The following AGPS variants were observed in gnomAD, a reference collection of about 807,000 sequenced individuals.
AGPS encodes alkyldihydroxyacetonephosphate synthase, peroxisomal.
Under a neutral mutation model 90.7 loss-of-function variants are expected in AGPS, and 26 were observed. The ratio of observed to expected loss-of-function variants is 0.29; its 90% CI spans 0.21 to 0.40. The LOEUF (loss-of-function observed/expected upper bound fraction) is 0.40, where lower values mean the gene tolerates loss of function less well. AGPS is among the 10% of genes least tolerant of loss of function. The pLI is 1.00. For synonymous variants in AGPS, 294 were observed against 285.3 expected (o/e 1.03, Z -0.31); for missense variants, 540 against 816.1 (o/e 0.66, Z 4.12).
intron 3 of AGPS, among the ~76,000 whole-genome samples, chr2:177,435,715 C>T (rs1686385655): frequency 6.6e-6 from 1 of 152,110 alleles, no homozygotes; most frequent in Admixed American, 6.5e-5. Context: ...TTGTTCTTTG[C>T]ATATTCTTAT....
At position 177,497,719 on chromosome 2, in the gene AGPS, T is replaced by G; in HGVS notation, c.1316T>G (p.Ile439Ser). 6.3e-7 allele frequency: 1 copy of G among 1,583,516 alleles called. No individual in the cohort carries two copies. Among genetic ancestry groups the G allele is most frequent in the South Asian group, 1.1e-5 (1 of 88,268 alleles). Reference protein sequence around the residue: ...GHALKPQVSSIFTSFLDGLKK... With the variant: ...GHALKPQVSSSFTSFLDGLKK... ...GCTCTTAAACCTCAGGTTTCCTCTATTTTTACATCATTTTTGGACGGATTA... is the reference window on the plus strand; with the variant it reads ...GCTCTTAAACCTCAGGTTTCCTCTAGTTTTACATCATTTTTGGACGGATTA... Residue 439 changes from isoleucine (I) to serine (S), a missense_variant, in exon 13 of 20, where the codon ATT (isoleucine) becomes AGT (serine). Ile to Ser is a moderately radical substitution (Grantham distance 142). Transcript: ENST00000264167.
chr2:177,472,004 G>C (rs1687637221), intron 10 of AGPS, among the ~76,000 whole-genome samples: 1 of 151,908 alleles, frequency 6.6e-6, no homozygotes, highest in Admixed American at 6.5e-5. Context: ...ACTTAGAGTT[G>C]ATAGTCCTGG....
intron 8 of AGPS, 141 bp from the exon 9 acceptor site, chr2:177,461,748 CTTTT>C (rs56895184): frequency 3.0e-3 from 1,380 of 464,340 alleles, no homozygotes; most frequent in East Asian, 4.8e-3. Context: ...ATAAAAGTAT[CTTTT>C]TTTTTTTTTT....
chr2:177,530,745 C>A (rs2079130575), intron 19 of AGPS, among the ~76,000 whole-genome samples: 1 of 152,170 alleles, frequency 6.6e-6, no homozygotes, highest in Non-Finnish European at 1.5e-5. Flanking sequence ...TATGTTAACT[C>A]TGGTTTTGTG....
In AGPS at chr2:177,392,968, C is replaced by T; in HGVS notation, c.179C>T (p.Ala60Val). 1.3e-6 allele frequency: 2 copies of T among 1,549,976 alleles called. No individual in the cohort carries two copies. The highest frequency in any genetic ancestry group is 1.2e-5 in the South Asian group (1 of 84,048). Reference sequence around the variant, plus strand: ...GCTCTGAGTACCAATGAGTGCAAAGCGCGGAGAGCCGCGTCGGCGGCCACG... The same window carrying T: ...GCTCTGAGTACCAATGAGTGCAAAGTGCGGAGAGCCGCGTCGGCGGCCACG... ...REALSTNECK[A>V]RRAASAATAA... is the part of the protein sequence containing the mutation. Residue 60 changes from alanine to valine, a missense_variant, in exon 1 of 20, where the codon GCG (alanine) becomes GTG (valine). Physicochemically the swap from Ala to Val is moderately conservative, Grantham distance 64 (BLOSUM62 0). Coordinates refer to ENST00000264167, the MANE Select transcript of AGPS (RefSeq NM_003659.4).
chr2:177,459,168 A>T (rs181523678), intron 8 of AGPS, among the ~76,000 whole-genome samples: 1 of 152,202 alleles, frequency 6.6e-6, no homozygotes, highest in Non-Finnish European at 1.5e-5. Context: ...AAAAAAATCA[A>T]CTCAAGATGG....
chr2:177,448,172 A>G (rs1190730023), intron 8 of AGPS, among the ~76,000 whole-genome samples: 2 of 152,086 alleles, frequency 1.3e-5, no homozygotes, highest in Non-Finnish European at 2.9e-5. Flanking sequence ...GCAAACCTCA[A>G]TATAGCTCCT....
rs1037777358 is a variant in AGPS at position 177,482,258 on chromosome 2, A to G, written c.1233+72A>G. 1.0e-5 allele frequency: 9 copies of G among 858,128 alleles called. No homozygotes were observed. The Admixed American group carries it at 1.7e-4, about 16-fold the overall frequency. The allele number at this position is 858,128 out of a possible 1,614,324, so 53.2% of individuals were successfully genotyped here. A position where few individuals can be genotyped will look rare whatever the true frequency, so the allele number is the denominator to read the frequency against. The stretch of plus-strand genomic sequence containing the variant: ...GTATTTATATTTTTCAAATTCTACT[A>G]CATAGTTGATTGTGATATGTTACAA... On this transcript the variant is annotated intron_variant, in intron 11 of 19. Transcript: ENST00000264167.
intron 5 of AGPS, among the ~76,000 whole-genome samples, chr2:177,439,411 T>G (rs1393228720): frequency 1.3e-5 from 2 of 152,178 alleles, no homozygotes; most frequent in African/African-American, 4.8e-5. Context: ...GGCTTTTGAT[T>G]AGGTGACATT....
chr2:177,474,229 C>G (rs1424299444), intron 10 of AGPS, among the ~76,000 whole-genome samples: 1 of 152,162 alleles, frequency 6.6e-6, no homozygotes, highest in Admixed American at 6.5e-5. Context: ...CTTCCCTGTC[C>G]AAAGGCAACA....
At chr2:177,470,052 A>G (rs1034240740) in intron 10 of AGPS, among the ~76,000 whole-genome samples, 3 of 152,034 alleles carry the variant, frequency 2.0e-5, no homozygotes, top group Non-Finnish European at 4.4e-5. Flanking sequence ...TGAGGTTGAT[A>G]AGAAGAAAAT....
chr2:177,410,446 C>T (rs1685587203), intron 1 of AGPS, among the ~76,000 whole-genome samples: 1 of 152,136 alleles, frequency 6.6e-6, no homozygotes, highest in East Asian at 1.9e-4. Flanking sequence ...GTAAGCATGC[C>T]TAGAGTCTGT....
chr2:177,446,157 T>A (rs967500510), intron 8 of AGPS, among the ~76,000 whole-genome samples: 2 of 151,956 alleles, frequency 1.3e-5, no homozygotes, highest in African/African-American at 2.4e-5. Flanking sequence ...TACTTTTTTT[T>A]TTTTTATTTT....
rs1687962006 is a variant in AGPS, at chr2:177,482,100, C to T, written c.1147C>T (p.Pro383Ser). The T allele has an allele frequency of 6.2e-7, 1 of 1,604,966 alleles. No homozygotes were observed. Among genetic ancestry groups the T allele is most frequent in the Middle Eastern group, 1.7e-4 (1 of 6,018 alleles). Reference protein sequence around the residue: ...VITEATIKIRPVPEYQKYGSV... With the variant: ...VITEATIKIRSVPEYQKYGSV... ...AACAGAAGCTACAATAAAAATCAGACCAGTCCCTGAATACCAAAAGTATGG... is the reference window on the plus strand; with the variant it reads ...AACAGAAGCTACAATAAAAATCAGATCAGTCCCTGAATACCAAAAGTATGG... The change falls in exon 11 of 20, where the codon CCA (proline) becomes TCA (serine). Residue 383 changes from proline to serine, a missense_variant. By Grantham distance (74) the Pro-to-Ser change is moderately conservative. Transcript: ENST00000264167.
intron 2 of AGPS, among the ~76,000 whole-genome samples, chr2:177,431,391 C>A (rs544092469): frequency 1.3e-5 from 2 of 152,132 alleles, no homozygotes; most frequent in Non-Finnish European, 2.9e-5. Flanking sequence ...CGGCTGTGCA[C>A]GTATTGTCTT....
chr2:177,499,694 A>G lies in AGPS; in HGVS notation c.1439A>G (p.His480Arg), dbSNP rs1049682424. The change falls in exon 14 of 20, where the codon CAT (histidine) becomes CGT (arginine). Residue 480 changes from histidine (H) to arginine (R), a missense_variant. By Grantham distance (29) the His-to-Arg change is conservative. This residue lies in a region of AGPS where 405 missense variants were observed against 692.1 expected (regional missense o/e 0.59). Coordinates refer to ENST00000264167, the MANE Select transcript of AGPS (RefSeq NM_003659.4). ...GGGGATCGTGAGAAGGTTCTTCAAC[A>G]TGAAAAACAAGTGTATGATATTGCT... is the stretch of plus-strand genomic sequence containing the variant. ...FEGDREKVLQ[H>R]EKQVYDIAAK... 2.5e-6 allele frequency: 4 copies of G among 1,612,292 alleles called. No homozygotes were observed. The highest frequency in any genetic ancestry group is 1.6e-4 in the Middle Eastern group (1 of 6,078).
chr2:177,497,642 G>T (rs1688447473), intron 12 of AGPS, 47 bp from the exon 13 acceptor site: 3 of 1,125,066 alleles, frequency 2.7e-6, no homozygotes, highest in South Asian at 1.8e-5. Context: ...TTGATCTTCT[G>T]AAAAACATAG....
At chr2:177,405,846 C>CT (rs77598014) in intron 1 of AGPS, among the ~76,000 whole-genome samples, 132,901 of 152,086 alleles carry the variant, frequency 0.87, 58,210 homozygotes, top group East Asian at 0.98. Flanking sequence ...GTTGGGGGAA[C>CT]TTTAAGTTAT....
chr2:177,509,058 C>A (rs1216698954), intron 16 of AGPS, among the ~76,000 whole-genome samples: 2 of 152,086 alleles, frequency 1.3e-5, no homozygotes, highest in Admixed American at 6.5e-5. Context: ...CCCTGTGAAT[C>A]TACTTCTTAG....
Sources: gnomAD v4.1 joint callset for allele counts (sites outside exome capture counted in the v4.1 genomes callset) on GRCh38, gnomAD v4.1.1 for gene constraint, gnomAD v4.1.1 regional missense constraint, MANE v1.5 for transcripts, NCBI Gene and HGNC (gene_info 2026-07-23, HGNC 2026-07-21) for gene names.